TRIM37: variants seen among roughly 807,000 people sequenced by gnomAD.
TRIM37 encodes tripartite motif containing 37.
In TRIM37, 80 loss-of-function variants were observed where a neutral mutation model predicts 129.8. The ratio of observed to expected loss-of-function variants is 0.62; its 90% CI spans 0.51 to 0.74. The LOEUF is 0.74. Ranked by LOEUF, TRIM37 falls within the 30% of genes least tolerant of loss-of-function variation. TRIM37 has a pLI of 0.00. For missense variants in TRIM37, 1,054 were observed against 1,176.5 expected (o/e 0.90, Z 1.52); for synonymous variants, 389 against 387.1 (o/e 1.00, Z -0.06).
At chr17:59,024,931 T>C (rs1255630992) in intron 19 of TRIM37, among the ~76,000 whole-genome samples, 1 of 152,150 alleles carries the variant, frequency 6.6e-6, no homozygotes, top group East Asian at 1.9e-4. Flanking sequence ...AAGAACAGAA[T>C]AAACATATCC....
intron 8 of TRIM37, among the ~76,000 whole-genome samples, chr17:59,071,445 C>T (rs1352568201): frequency 6.6e-6 from 1 of 151,908 alleles, no homozygotes; most frequent in Non-Finnish European, 1.5e-5. Context: ...GCCACCATAC[C>T]CAGGTAATTT....
intron 19 of TRIM37, among the ~76,000 whole-genome samples, chr17:59,025,155 GCAT>G (rs1172041902): frequency 1.3e-5 from 2 of 151,934 alleles, no homozygotes; most frequent in African/African-American, 4.8e-5. Flanking sequence ...ATTTCATATT[GCAT>G]CATATTTCAA....
chr17:58,989,264 C>T (rs898750651), intron 24 of TRIM37, among the ~76,000 whole-genome samples: 3 of 151,974 alleles, frequency 2.0e-5, no homozygotes, highest in Admixed American at 2.0e-4. Flanking sequence ...GGCGAAACCC[C>T]GTCTCTACTA....
At chr17:59,075,347 A>G (rs967697197) in intron 8 of TRIM37, among the ~76,000 whole-genome samples, 4 of 151,992 alleles carry the variant, frequency 2.6e-5, no homozygotes, top group Non-Finnish European at 5.9e-5. Context: ...GCAGATCACC[A>G]GGTCAGGAGA....
the TRIM37 span, among the ~76,000 whole-genome samples, chr17:58,975,299 GCTT>G: frequency 1.3e-5 from 2 of 152,156 alleles, no homozygotes. Flanking sequence ...GAGAATACCA[GCTT>G]CTTCTTCTAA....
downstream of TRIM37, chr17:58,981,837 C>A (rs1694813231): frequency 6.6e-6 from 1 of 152,556 alleles, no homozygotes; most frequent in Non-Finnish European, 1.5e-5. Flanking sequence ...TTCCACTGTA[C>A]CCTCATCTCA....
At chr17:59,078,729 G>A (rs2043023473) in intron 7 of TRIM37, among the ~76,000 whole-genome samples, 2 of 152,118 alleles carry the variant, frequency 1.3e-5, no homozygotes, top group African/African-American at 4.8e-5. Flanking sequence ...AAATATATAA[G>A]TGGCATTGTG....
At chr17:59,068,085 C>T (rs1481521930) in intron 9 of TRIM37, among the ~76,000 whole-genome samples, 1 of 152,110 alleles carries the variant, frequency 6.6e-6, no homozygotes, top group African/African-American at 2.4e-5. Flanking sequence ...CTGTATGTTG[C>T]AACTAATAAA....
At chr17:59,029,401 C>T (rs1426200081) in intron 18 of TRIM37, among the ~76,000 whole-genome samples, 1 of 152,112 alleles carries the variant, frequency 6.6e-6, no homozygotes, top group Non-Finnish European at 1.5e-5. Context: ...TAAATTCCTC[C>T]GGCTAGCATG....
At chr17:58,977,447 A>G in the TRIM37 span, among the ~76,000 whole-genome samples, 1 of 152,044 alleles carries the variant, frequency 6.6e-6, no homozygotes, top group African/African-American at 2.4e-5. Context: ...TCTCAAAAAA[A>G]AAAAAAAAAG....
chr17:59,072,668 A>G (rs997614599), intron 8 of TRIM37, among the ~76,000 whole-genome samples: 2 of 151,980 alleles, frequency 1.3e-5, no homozygotes, highest in African/African-American at 4.8e-5. Flanking sequence ...GAATTGCTTG[A>G]ACCCAGGAGG....
chr17:59,003,113 G>A (rs971559988), intron 22 of TRIM37, among the ~76,000 whole-genome samples: 1 of 152,204 alleles, frequency 6.6e-6, no homozygotes, highest in Non-Finnish European at 1.5e-5. Flanking sequence ...CTGAGCTGAA[G>A]TGATTCACCC....
intron 19 of TRIM37, among the ~76,000 whole-genome samples, chr17:59,026,671 G>A (rs1021120633): frequency 2.6e-5 from 4 of 152,082 alleles, no homozygotes; most frequent in South Asian, 2.1e-4. Flanking sequence ...TATTGACCCC[G>A]CACCTCCTCC....
At chr17:58,982,794 A>G in exon 25 of TRIM37, 1 of 899,928 alleles carries the variant, frequency 1.1e-6, no homozygotes, top group South Asian at 1.8e-5. Context: ...GGCCCCAACT[A>G]TAGTGCCGGA....
Position 59,088,338 on chromosome 17 carries a change from A to G in TRIM37, c.234T>C (p.Thr78=), listed in dbSNP as rs2147215654. The G allele has an allele frequency of 6.2e-7, 1 of 1,613,800 alleles. No homozygotes were observed. The highest frequency in any genetic ancestry group is 8.5e-7 in the Non-Finnish European group (1 of 1,179,802). Residue 78 remains threonine (T), a synonymous_variant, in exon 4 of 24, where the codon ACT becomes ACC. Transcript: ENST00000262294. ...WAEEVTQQLD[T]LQLCSLTKHE... ...GTTTGGTGAGACTGCAGAGTTGAAGAGTATCAAGCTGTTGTGTTACTTCTT... is the reference window on the plus strand; with the variant it reads ...GTTTGGTGAGACTGCAGAGTTGAAGGGTATCAAGCTGTTGTGTTACTTCTT...
At chr17:58,987,079 T>C (rs1486179375) in intron 24 of TRIM37, among the ~76,000 whole-genome samples, 3 of 152,174 alleles carry the variant, frequency 2.0e-5, no homozygotes, top group Non-Finnish European at 2.9e-5. Flanking sequence ...CCTCTCCTCA[T>C]TGTGCAAACA....
chr17:59,049,303 C>T lies in TRIM37; in HGVS notation c.1405G>A (p.Glu469Lys). 6.2e-7 allele frequency: 1 copy of T among 1,614,154 alleles called. No homozygotes were observed. The highest frequency in any genetic ancestry group is 8.5e-7 in the Non-Finnish European group (1 of 1,180,034). Residue 469 changes from glutamate (E) to lysine (K), a missense_variant, in exon 15 of 24, where the codon GAG becomes AAG. Transcript: ENST00000262294. The stretch of plus-strand genomic sequence containing the variant: ...CATGCAGACTTCTTAGCTCGTGTCT[C>T]CAGAGCATCATCATTTTGGGGGCTA... The part of the protein sequence containing the change: ...HLSPQNDDAL[E>K]TRAKKSACSD...
At chr17:59,082,723 C>A (rs913448719) in intron 5 of TRIM37, among the ~76,000 whole-genome samples, 3 of 152,054 alleles carry the variant, frequency 2.0e-5, no homozygotes, top group African/African-American at 7.2e-5. Context: ...TATAAGAAAC[C>A]TCCTATAAGT....
Position 59,070,897 on chromosome 17 carries a change from A to G in TRIM37, c.735T>C (p.Leu245=), listed in dbSNP as rs925628445. 3 of 1,614,086 alleles carry G rather than the reference A, an allele frequency of 1.9e-6. No individual in the cohort carries two copies. In the South Asian group the frequency reaches 3.3e-5, roughly 18 times the overall value. The part of the protein sequence containing the change: ...SELISKSSEI[L]MMFQQVHRKP... The stretch of plus-strand genomic sequence containing the variant: ...TCCGATGAACTTGCTGAAACATCAT[A>G]AGGATCTCTGAGCTCTTAGATATCA... The change falls in exon 9 of 24, where the codon CTT becomes CTC. Residue 245 remains leucine, a synonymous_variant. Transcript: ENST00000262294.
Sources: gnomAD v4.1 joint callset for allele counts (sites outside exome capture counted in the v4.1 genomes callset) on GRCh38, gnomAD v4.1.1 for gene constraint, MANE v1.5 for transcripts, NCBI Gene and HGNC (gene_info 2026-07-23, HGNC 2026-07-21) for gene names.